CCDC102B: variants seen among roughly 807,000 people sequenced by gnomAD.
CCDC102B encodes the protein coiled-coil domain containing 102B, also known as coiled-coil domain-containing protein 102B.
CCDC102B carries 75 observed loss-of-function variants against 57.4 expected under a neutral mutation model. The ratio of observed to expected loss-of-function variants is 1.31; its 90% confidence interval spans 1.08 to 1.58. The LOEUF is 1.58. CCDC102B is among the 40% of genes most tolerant of loss of function. The pLI, the probability that CCDC102B is intolerant of heterozygous loss-of-function variation, is 0.00. For synonymous variants in CCDC102B, 206 were observed against 201.9 expected (o/e 1.02, Z -0.17); for missense variants, 636 against 582.6 (o/e 1.09, Z -0.94).
chr18:68,904,663 T>C (rs960866461), intron 6 of CCDC102B, among the ~76,000 whole-genome samples: 2 of 152,140 alleles, frequency 1.3e-5, no homozygotes, highest in African/African-American at 4.8e-5. Context: ...TGTAATATGA[T>C]TGCTCATGCC....
chr18:68,993,492 A>G (rs2050932404), intron 6 of CCDC102B: 1 of 152,176 alleles, frequency 6.6e-6, no homozygotes. Flanking sequence ...ACAGTGCTGA[A>G]TGTTCTTTCT....
At chr18:68,905,833 A>G (rs369958895) in intron 6 of CCDC102B, among the ~76,000 whole-genome samples, 61 of 120,628 alleles carry the variant, frequency 5.1e-4, no homozygotes, top group Middle Eastern at 5.6e-3. Flanking sequence ...TAGCTCTGTC[A>G]CCCAGGCTGG....
chr18:68,904,469 G>C (rs551496256), intron 6 of CCDC102B, among the ~76,000 whole-genome samples: 2 of 152,258 alleles, frequency 1.3e-5, no homozygotes, highest in South Asian at 4.1e-4. Flanking sequence ...AAAGTGTATA[G>C]GTGGGATTAT....
intron 6 of CCDC102B, among the ~76,000 whole-genome samples, chr18:68,916,131 G>A (rs1489070549): frequency 1.3e-5 from 2 of 149,852 alleles, no homozygotes; most frequent in Non-Finnish European, 3.0e-5. Flanking sequence ...CAGTTAGTTT[G>A]GTTGTAGATA....
At chr18:68,859,197 G>T in intron 4 of CCDC102B, among the ~76,000 whole-genome samples, 1 of 138,480 alleles carries the variant, frequency 7.2e-6, no homozygotes. Flanking sequence ...ACAAGCAATG[G>T]GGAAAGGATT....
At chr18:68,914,156 A>G (rs1180713517) in intron 6 of CCDC102B, among the ~76,000 whole-genome samples, 1 of 152,216 alleles carries the variant, frequency 6.6e-6, no homozygotes, top group Non-Finnish European at 1.5e-5. Context: ...GTCTTTCATC[A>G]TAACAGTAAG....
intron 1 of CCDC102B, among the ~76,000 whole-genome samples, chr18:68,817,416 T>C (rs1218446237): frequency 6.6e-6 from 1 of 152,222 alleles, no homozygotes; most frequent in Non-Finnish European, 1.5e-5. Context: ...TTCCAAAATA[T>C]GCCATCATTT....
At chr18:68,790,116 G>T (rs1473181341) in intron 2 of CCDC102B, among the ~76,000 whole-genome samples, 6 of 149,140 alleles carry the variant, frequency 4.0e-5, no homozygotes, top group East Asian at 2.0e-4. Flanking sequence ...GCCCCTGCTG[G>T]GGGGTGCCTC....
At chr18:68,966,486 C>CTG (rs2050168682) in intron 6 of CCDC102B, among the ~76,000 whole-genome samples, 1 of 152,034 alleles carries the variant, frequency 6.6e-6, no homozygotes. Flanking sequence ...TATGGTTACC[C>CTG]TGTGTGTGTG....
At chr18:68,907,457 G>A (rs2040690868) in intron 6 of CCDC102B, among the ~76,000 whole-genome samples, 1 of 152,012 alleles carries the variant, frequency 6.6e-6, no homozygotes, top group South Asian at 2.1e-4. Flanking sequence ...ATATATTTGT[G>A]TCTTTTTATT....
At chr18:68,861,249 AC>A (rs756043514) in intron 4 of CCDC102B, among the ~76,000 whole-genome samples, 12 of 151,718 alleles carry the variant, frequency 7.9e-5, no homozygotes, top group Non-Finnish European at 1.2e-4. Context: ...TTTGACGACT[AC>A]CGTGCTTATT....
intron 4 of CCDC102B, among the ~76,000 whole-genome samples, chr18:68,868,122 AT>A (rs1026075152): frequency 6.6e-6 from 1 of 152,062 alleles, no homozygotes; most frequent in African/African-American, 2.4e-5. Flanking sequence ...TCCATATACC[AT>A]TTTTTTCTAA....
At chr18:68,841,866 G>A (rs1037563753) in intron 3 of CCDC102B, among the ~76,000 whole-genome samples, 55 of 152,190 alleles carry the variant, frequency 3.6e-4, no homozygotes, top group Non-Finnish European at 6.2e-4. Flanking sequence ...CCAAGTAGCT[G>A]GAATTACAGG....
chr18:68,975,136 C>T (rs953401635), intron 6 of CCDC102B, among the ~76,000 whole-genome samples: 2 of 151,946 alleles, frequency 1.3e-5, no homozygotes, highest in Non-Finnish European at 2.9e-5. Context: ...GTCTAATGGG[C>T]AGTGTTGGCA....
intron 2 of CCDC102B, among the ~76,000 whole-genome samples, chr18:68,740,139 C>G (rs1392188075): frequency 6.6e-6 from 1 of 152,146 alleles, no homozygotes; most frequent in Non-Finnish European, 1.5e-5. Context: ...AGCACCTTGG[C>G]TTTTACCCAC....
chr18:68,727,384 C>G (rs2032645396), intron 2 of CCDC102B, among the ~76,000 whole-genome samples: 1 of 151,966 alleles, frequency 6.6e-6, no homozygotes, highest in African/African-American at 2.4e-5. Flanking sequence ...TAATACAGCC[C>G]CAATAATTGG....
intron 2 of CCDC102B, chr18:68,754,816 G>A (rs750012754): frequency 2.6e-5 from 4 of 152,134 alleles, no homozygotes; most frequent in African/African-American, 9.7e-5. Flanking sequence ...GAGCTTTCAT[G>A]AATAGGATCA....
intron 6 of CCDC102B, among the ~76,000 whole-genome samples, chr18:68,948,065 A>G (rs914961508): frequency 2.6e-5 from 4 of 152,136 alleles, no homozygotes; most frequent in Non-Finnish European, 4.4e-5. Flanking sequence ...TTTGCAATAT[A>G]TATACTCCAT....
At chr18:68,843,744 T>C (rs975784743) in intron 3 of CCDC102B, among the ~76,000 whole-genome samples, 1 of 152,076 alleles carries the variant, frequency 6.6e-6, no homozygotes, top group Non-Finnish European at 1.5e-5. Flanking sequence ...TTAGGTGTTT[T>C]CCTTTGCCTT....
Sources: gnomAD v4.1 joint callset for allele counts (sites outside exome capture counted in the v4.1 genomes callset) on GRCh38, gnomAD v4.1.1 for gene constraint, MANE v1.5 for transcripts, NCBI Gene and HGNC (gene_info 2026-07-23, HGNC 2026-07-21) for gene names.